Variants in ZNF420 observed in about 807,000 individuals in gnomAD.
ZNF420 encodes zinc finger protein 420.
Under a neutral mutation model 44.7 loss-of-function variants are expected in ZNF420, and 31 were observed. The observed-to-expected ratio is 0.69, with a 90% CI of 0.52 to 0.94. The LOEUF (loss-of-function observed/expected upper bound fraction) is 0.94, where lower values mean the gene tolerates loss of function less well. Ranked by LOEUF, ZNF420 falls within the 40% of genes least tolerant of loss-of-function variation. ZNF420 has a pLI of 0.00. For missense variants in ZNF420, 681 were observed against 827.9 expected, an observed-to-expected ratio of 0.82 and a Z score of 2.18; for synonymous variants, 245 against 267.4, an observed-to-expected ratio of 0.92 and a Z score of 0.82.
At chr19:37,014,972 G>A (rs1050111648) in intron 1 of ZNF420, among the ~76,000 whole-genome samples, 2 of 152,226 alleles carry the variant, frequency 1.3e-5, no homozygotes, top group African/African-American at 4.8e-5. Context: ...TAGTTTAGGG[G>A]TGAATCTCCT....
intron 4 of ZNF420, among the ~76,000 whole-genome samples, chr19:37,119,329 A>T (rs376360850): frequency 6.6e-6 from 1 of 152,018 alleles, no homozygotes; most frequent in Non-Finnish European, 1.5e-5. Context: ...ACTCAAAACC[A>T]CTCCACTACA....
At chr19:37,079,473 C>G (rs2146475796) in intron 1 of ZNF420, among the ~76,000 whole-genome samples, 1 of 152,242 alleles carries the variant, frequency 6.6e-6, no homozygotes, top group East Asian at 1.9e-4. Context: ...CAGTGGCTGC[C>G]CTTTCATCCA....
intron 1 of ZNF420, among the ~76,000 whole-genome samples, chr19:37,013,016 G>A (rs926595560): frequency 6.6e-6 from 1 of 152,018 alleles, no homozygotes; most frequent in Non-Finnish European, 1.5e-5. Context: ...TTTCCCTGCC[G>A]TTCCACTTTG....
chr19:37,009,052 T>G (rs971429821), intron 1 of ZNF420, among the ~76,000 whole-genome samples: 1 of 152,190 alleles, frequency 6.6e-6, no homozygotes, highest in Non-Finnish European at 1.5e-5. Context: ...CTACAATGAA[T>G]GGTAGGCGAC....
intron 1 of ZNF420, among the ~76,000 whole-genome samples, chr19:37,037,753 C>G (rs893549103): frequency 6.6e-6 from 1 of 152,196 alleles, no homozygotes; most frequent in African/African-American, 2.4e-5. Context: ...TCCACCTTGG[C>G]CTCCCAAAGT....
chr19:37,051,423 T>A (rs1967637009), intron 1 of ZNF420, among the ~76,000 whole-genome samples: 1 of 152,222 alleles, frequency 6.6e-6, no homozygotes, highest in African/African-American at 2.4e-5. Context: ...ATTCAGAGAT[T>A]CAACGTCTTC....
At chr19:37,055,640 C>G (rs1402473336) in intron 1 of ZNF420, among the ~76,000 whole-genome samples, 1 of 152,240 alleles carries the variant, frequency 6.6e-6, no homozygotes, top group East Asian at 1.9e-4. Context: ...CACCGCTACT[C>G]CTGTCACAGT....
intron 1 of ZNF420, among the ~76,000 whole-genome samples, chr19:37,065,399 C>CA (rs1275981456): frequency 6.6e-6 from 1 of 152,192 alleles, no homozygotes; most frequent in Non-Finnish European, 1.5e-5. Flanking sequence ...TCCTAACCCT[C>CA]AGCTTTTTCC....
chr19:37,012,758 A>ATGTG (rs1162223396), intron 1 of ZNF420, among the ~76,000 whole-genome samples: 19 of 100,100 alleles, frequency 1.9e-4, no homozygotes, highest in Admixed American at 1.7e-3. Context: ...TGCCACTGCT[A>ATGTG]TATGTCTCTG....
intron 2 of ZNF420, among the ~76,000 whole-genome samples, chr19:37,083,017 T>C (rs1968548517): frequency 1.4e-5 from 2 of 147,762 alleles, no homozygotes; most frequent in Admixed American, 1.4e-4. Flanking sequence ...CGCGCCACCA[T>C]GCCCAGCTAA....
chr19:37,063,528 C>A (rs1442458907), intron 1 of ZNF420, among the ~76,000 whole-genome samples: 1 of 151,754 alleles, frequency 6.6e-6, no homozygotes, highest in Non-Finnish European at 1.5e-5. Flanking sequence ...TAGTATGCTT[C>A]CCCCTGCATA....
chr19:37,096,813 T>C (rs2146573008), intron 4 of ZNF420, among the ~76,000 whole-genome samples: 1 of 152,344 alleles, frequency 6.6e-6, no homozygotes, highest in South Asian at 2.1e-4. Flanking sequence ...CATTTACATA[T>C]TAACAATATT....
chr19:37,046,150 G>A (rs1330776587), intron 1 of ZNF420, among the ~76,000 whole-genome samples: 1 of 152,178 alleles, frequency 6.6e-6, no homozygotes, highest in East Asian at 1.9e-4. Flanking sequence ...AGATTTGGGT[G>A]GGGACACAGC....
At chr19:37,125,300 G>C (rs2145335054) in intron 4 of ZNF420, among the ~76,000 whole-genome samples, 1 of 152,282 alleles carries the variant, frequency 6.6e-6, no homozygotes, top group South Asian at 2.1e-4. Context: ...CATGAGGCAA[G>C]GCATGAAGAA....
chr19:37,016,358 AG>A (rs1686610551), intron 1 of ZNF420, among the ~76,000 whole-genome samples: 1 of 152,206 alleles, frequency 6.6e-6, no homozygotes, highest in South Asian at 2.1e-4. Context: ...GGTGCAGGCC[AG>A]GTGGTGAGTA....
chr19:37,085,379 A>G (rs1968695712), intron 2 of ZNF420, among the ~76,000 whole-genome samples: 1 of 152,168 alleles, frequency 6.6e-6, no homozygotes, highest in African/African-American at 2.4e-5. Context: ...TGACCTTTCC[A>G]TACGCAGTTG....
intron 4 of ZNF420, among the ~76,000 whole-genome samples, chr19:37,116,315 A>G (rs113902061): frequency 0.019 from 2,711 of 144,258 alleles, 71 homozygotes; most frequent in East Asian, 0.051. Flanking sequence ...GTTGCAGTGA[A>G]CCGAGATCAC....
At chr19:37,086,490 T>G (rs1416261557) in intron 2 of ZNF420, among the ~76,000 whole-genome samples, 8 of 152,184 alleles carry the variant, frequency 5.3e-5, no homozygotes, top group Non-Finnish European at 1.0e-4. Context: ...ATTTATCATC[T>G]TGGCCAAGGT....
chr19:37,036,087 C>T (rs1403672632), intron 1 of ZNF420, among the ~76,000 whole-genome samples: 1 of 152,184 alleles, frequency 6.6e-6, no homozygotes, highest in Non-Finnish European at 1.5e-5. Context: ...TTCATCCACC[C>T]ACTCCCTTAC....
Sources: gnomAD v4.1 joint callset for allele counts (sites outside exome capture counted in the v4.1 genomes callset) on GRCh38, gnomAD v4.1.1 for gene constraint, MANE v1.5 for transcripts, NCBI Gene and HGNC (gene_info 2026-07-23, HGNC 2026-07-21) for gene names.